The following CCAR2 variants were observed in gnomAD, a reference collection of about 807,000 sequenced individuals.
CCAR2 encodes cell cycle and apoptosis regulator 2.
A neutral mutation model predicts 108.1 loss-of-function variants in CCAR2; 21 were observed. The observed-to-expected ratio is 0.19, with a 90% CI of 0.14 to 0.28. CCAR2 has a LOEUF of 0.28. Ranked by LOEUF, CCAR2 falls within the 10% of genes least tolerant of loss-of-function variation. The probability of loss-of-function intolerance (pLI) is 1.00; values close to 1 mark genes in which losing one functional copy is unlikely to be tolerated. For missense variants in CCAR2, 1,126 were observed against 1,177.0 expected (o/e 0.96, Z 0.63); for synonymous variants, 577 against 472.8 (o/e 1.22, Z -2.86).
In CCAR2 at chr8:22,618,408, C is replaced by T. The variant is rs199524323; in HGVS notation, c.2133C>T (p.Phe711=). 8 of 1,614,246 alleles carry T rather than the reference C, an allele frequency of 5.0e-6. No homozygotes were observed. The highest frequency in any genetic ancestry group is 6.8e-6 in the Non-Finnish European group (8 of 1,180,054). ...TAGACTGTCTGCTTGCTTTTGTGTT[C>T]TTTGATGCCAACTGGTGTGGCTACT... ...LPLDCLLAFV[F]FDANWCGYLH... Residue 711 remains phenylalanine, a synonymous_variant, in exon 17 of 21, where the codon TTC becomes TTT. Transcript: ENST00000308511.
At position 22,606,975 on chromosome 8, in the gene CCAR2, G is replaced by C; in HGVS notation, c.308G>C (p.Gly103Ala). 6.2e-7 allele frequency: 1 copy of C among 1,614,138 alleles called. No homozygotes were observed. Among genetic ancestry groups the C allele is most frequent in the Non-Finnish European group, 8.5e-7 (1 of 1,180,020 alleles). The change falls in exon 5 of 21, where the codon GGC becomes GCC. Residue 103 changes from glycine (G) to alanine (A), a missense_variant. Gly to Ala is a moderately conservative substitution (Grantham distance 60). This residue lies in a region of CCAR2 where 44 missense variants were observed against 63.4 expected (regional missense o/e 0.69). Coordinates refer to ENST00000308511, the MANE Select transcript of CCAR2 (RefSeq NM_001393997.1). ...CTGGTGAAGGCTGCATACAACCCAG[G>C]CCAGGCAGTGCCCTGGAATGCTGTC... ...KVLVKAAYNP[G>A]QAVPWNAVKV...
chr8:22,607,989 T>A lies in CCAR2; in HGVS notation c.508T>A (p.Ser170Thr), dbSNP rs766896225. 6.2e-6 allele frequency: 10 copies of A among 1,613,274 alleles called. No homozygotes were observed. Among genetic ancestry groups the A allele is most frequent in the Non-Finnish European group, 8.5e-6 (10 of 1,179,646 alleles). ...PQKPLSLFQT[S>T]HTLHLSHLNR... ...TGCAGCTCTGAGTCTCTTCCAAACA[T>A]CCCACACACTTCACCTGAGCCACCT... Residue 170 changes from serine to threonine, a missense_variant, in exon 7 of 21, where the codon TCC (serine) becomes ACC (threonine). This residue lies in a region of CCAR2 where 1,013 missense variants were observed against 993.9 expected (regional missense o/e 1.02). Transcript: ENST00000308511.
In CCAR2 at chr8:22,615,760, G is replaced by C; in HGVS notation, c.1456G>C (p.Glu486Gln). ...DTSRRNAETP[E>Q]ATTQQETDTD... ...TTCTAGACGGAACGCAGAAACTCCA[G>C]AGGCCACCACACAGCAGGAAACGGA... Residue 486 changes from glutamate (E) to glutamine (Q), a missense_variant, in exon 13 of 21, where the codon GAG becomes CAG. By Grantham distance (29) the Glu-to-Gln change is conservative. This residue lies in a region of CCAR2 where 1,013 missense variants were observed against 993.9 expected (regional missense o/e 1.02). Transcript: ENST00000308511. 6.2e-7 allele frequency: 1 copy of C among 1,613,916 alleles called. No homozygotes were observed. Among genetic ancestry groups the C allele is most frequent in the South Asian group, 1.1e-5 (1 of 91,088 alleles).
rs1800993646 is a variant in CCAR2, at chr8:22,604,794, GT to G, written c.-86del. On this transcript the variant is annotated 5_prime_UTR_variant, in exon 1 of 21. Coordinates refer to ENST00000308511, the MANE Select transcript of CCAR2 (RefSeq NM_001393997.1). Reference sequence around the variant, plus strand: ...GGTGGCGGCGGCAGCAGCGGCTGTGGTGGTTCCGGGTGTCTTTGTCCCCCCG... The same window carrying G: ...GGTGGCGGCGGCAGCAGCGGCTGTGGGGTTCCGGGTGTCTTTGTCCCCCCG... The G allele has an allele frequency of 1.3e-5, 6 of 455,734 alleles. No homozygotes were observed. The allele number at this position is 455,734 out of a possible 1,614,324, so 28.2% of individuals were successfully genotyped here. A position where few individuals can be genotyped will look rare whatever the true frequency, so the allele number is the denominator to read the frequency against.
rs200094561 is a variant in CCAR2 at position 22,618,691 on chromosome 8, G to C, written c.2295G>C (p.Glu765Asp). Residue 765 changes from glutamate (E) to aspartate (D), a missense_variant, in exon 18 of 21, where the codon GAG becomes GAC. By Grantham distance (45) the Glu-to-Asp change is conservative. This residue lies in a region of CCAR2 where 1,013 missense variants were observed against 993.9 expected (regional missense o/e 1.02). Coordinates refer to ENST00000308511, the MANE Select transcript of CCAR2 (RefSeq NM_001393997.1). ...GGAGCCTTCAGTACAGCCGCCAGGAGGGCCTGGATGGTGGCCTTCCCGAGG... is the reference window on the plus strand; with the variant it reads ...GGAGCCTTCAGTACAGCCGCCAGGACGGCCTGGATGGTGGCCTTCCCGAGG... ...QYRSLQYSRQ[E>D]GLDGGLPEEV... The C allele has an allele frequency of 5.6e-6, 9 of 1,614,096 alleles. No individual in the cohort carries two copies. The highest frequency in any genetic ancestry group is 1.3e-5 in the African/African-American group (1 of 75,072).
Position 22,619,945 on chromosome 8 carries a change from T to C in CCAR2, c.*263T>C. The C allele has an allele frequency of 1.9e-6, 1 of 525,090 alleles. No individual in the cohort carries two copies. The highest frequency in any genetic ancestry group is 3.4e-6 in the Non-Finnish European group (1 of 290,500). 32.5% of individuals were successfully genotyped at this position (525,090 alleles called of 1,614,324 possible). A position where few individuals can be genotyped will look rare whatever the true frequency, so the allele number is the denominator to read the frequency against. ...CTAGAATGTCATTTTGCCCTCAACC[T>C]TGGTATTTCTCCTGGGGCCCTTTTA... is the stretch of plus-strand genomic sequence containing the variant. On this transcript the variant is annotated 3_prime_UTR_variant, in exon 21 of 21. Transcript: ENST00000308511.
At chr8:22,609,255 C>T (rs916169782) in intron 7 of CCAR2, among the ~76,000 whole-genome samples, 2 of 152,108 alleles carry the variant, frequency 1.3e-5, no homozygotes, top group African/African-American at 4.8e-5. Flanking sequence ...GGTGCGATGG[C>T]TTATGCCTAT....
At chr8:22,617,966 G>T (rs924849409) in intron 16 of CCAR2, among the ~76,000 whole-genome samples, 188 bp downstream of exon 16, 1 of 152,188 alleles carries the variant, frequency 6.6e-6, no homozygotes, top group East Asian at 1.9e-4. Flanking sequence ...TGTCTGTTGG[G>T]GTGAATGGGA....
At chr8:22,611,450 ATGTG>A (rs1002831791) in intron 7 of CCAR2, among the ~76,000 whole-genome samples, 4 of 123,038 alleles carry the variant, frequency 3.3e-5, no homozygotes, top group East Asian at 2.0e-4. Context: ...GTGTATACAT[ATGTG>A]TGTGTGTATA....
In CCAR2 at chr8:22,618,517, A is replaced by G. The variant is rs767476238; in HGVS notation, c.2220+22A>G. 20 of 1,614,056 alleles carry G rather than the reference A, an allele frequency of 1.2e-5. 1 individual carries two copies. The highest frequency in any genetic ancestry group is 3.3e-5 in the South Asian group (3 of 91,088). ...GCAGGTACCTTCTTTCCTCTGCCCC[A>G]GCACATGGGCACAGGCCTGCACTTA... On this transcript the variant is annotated intron_variant, in intron 17 of 20. Transcript: ENST00000308511.
chr8:22,605,033 GC>G, intron 1 of CCAR2, 191 bp downstream of exon 1: 1 of 300,278 alleles, frequency 3.3e-6, no homozygotes, highest in East Asian at 1.3e-4. Context: ...AGGAGAAACC[GC>G]GCGCCTCAGT....
At chr8:22,609,758 T>C (rs947289542) in intron 7 of CCAR2, among the ~76,000 whole-genome samples, 2 of 152,210 alleles carry the variant, frequency 1.3e-5, no homozygotes, top group Non-Finnish European at 2.9e-5. Context: ...CCGTGGACTT[T>C]CTGCTTTACG....
At chr8:22,614,615 C>A in intron 10 of CCAR2, 112 bp downstream of exon 10, 2 of 1,094,562 alleles carry the variant, frequency 1.8e-6, no homozygotes, top group Non-Finnish European at 2.7e-6. Flanking sequence ...ATCTCAGAGC[C>A]GAACACCCCT....
rs115807491 is a variant in CCAR2 at position 22,608,967 on chromosome 8, G to A, written c.584+902G>A. ...TTTTGTTAAGGTAAAAAATTTTAAC[G>A]TGGAACTTATGTAGATTGAAATGCA... is the stretch of plus-strand genomic sequence containing the variant. On this transcript the variant is annotated intron_variant, in intron 7 of 20. Coordinates refer to ENST00000308511, the MANE Select transcript of CCAR2 (RefSeq NM_001393997.1). Among the ~76,000 whole-genome samples, 1,068 of 152,038 alleles carry A rather than the reference G, an allele frequency of 7.0e-3. 14 individuals carry two copies. The highest frequency in any genetic ancestry group is 0.025 in the African/African-American group (1,017 of 41,420).
rs758003360 is a variant in CCAR2 at position 22,618,848 on chromosome 8, C to T, written c.2354C>T (p.Pro785Leu). 3 of 1,613,930 alleles carry T rather than the reference C, an allele frequency of 1.9e-6. No homozygotes were observed. Among genetic ancestry groups the T allele is most frequent in the Non-Finnish European group, 2.5e-6 (3 of 1,179,992 alleles). The change falls in exon 19 of 21, where the codon CCT (proline) becomes CTT (leucine). Residue 785 changes from proline (P) to leucine (L), a missense_variant. By Grantham distance (98) the Pro-to-Leu change is moderately conservative. Around this residue, in one of 4 missense-constraint regions of CCAR2, gnomAD observed 1,013 missense variants for 993.9 expected, o/e 1.02. Transcript: ENST00000308511. ...CTAGGAAACCTGGACCTGCTGCCCC[C>T]TCCTGGGAAAAGCACGAAGCCAGGT... ...VLFGNLDLLP[P>L]PGKSTKPGAA...
At position 22,612,887 on chromosome 8, in the gene CCAR2, G is replaced by C. The variant is rs1801345436; in HGVS notation, c.585-130G>C. The stretch of plus-strand genomic sequence containing the variant: ...CTTTATAACATTCTGTCATATGGCT[G>C]TTAGCATGGATTCTTTTTCCATTTA... On this transcript the variant is annotated intron_variant, in intron 7 of 20. Coordinates refer to ENST00000308511, the MANE Select transcript of CCAR2 (RefSeq NM_001393997.1). 4.0e-6 allele frequency: 4 copies of C among 990,642 alleles called. No homozygotes were observed. In the Admixed American group the frequency reaches 1.1e-4, roughly 26 times the overall value. 61.4% of individuals were successfully genotyped at this position (990,642 alleles called of 1,614,324 possible).
At chr8:22,616,387 A>C in intron 14 of CCAR2, 139 bp downstream of exon 14, 1 of 755,174 alleles carries the variant, frequency 1.3e-6, no homozygotes, top group Non-Finnish European at 2.2e-6. Context: ...CCGCACAGCT[A>C]GTAAGTAGCA....
At position 22,619,750 on chromosome 8, in the gene CCAR2, G is replaced by C; in HGVS notation, c.*68G>C. The C allele has an allele frequency of 2.0e-6, 3 of 1,512,138 alleles. No homozygotes were observed. Among genetic ancestry groups the C allele is most frequent in the Non-Finnish European group, 2.7e-6 (3 of 1,115,514 alleles). The allele number at this position is 1,512,138 out of a possible 1,614,324, so 93.7% of individuals were successfully genotyped here. ...GCCCGGCAAAGTTGGAGCCCTTGCG[G>C]TACCAGAAAGCAGCGAGAGCGAGAC... On this transcript the variant is annotated 3_prime_UTR_variant, in exon 21 of 21. Coordinates refer to ENST00000308511, the MANE Select transcript of CCAR2 (RefSeq NM_001393997.1).
chr8:22,604,764 C>A lies in CCAR2; in HGVS notation c.-117C>A, dbSNP rs201375888. ...CAGTGGTCGCGCTTCCGGAGAGGCG[C>A]TTCCGGTGGCGGCGGCAGCAGCGGC... On this transcript the variant is annotated 5_prime_UTR_variant, in exon 1 of 21. Transcript: ENST00000308511. 1 of 456,116 alleles carries A rather than the reference C, an allele frequency of 2.2e-6. No homozygotes were observed. Among genetic ancestry groups the A allele is most frequent in the African/African-American group, 2.0e-5 (1 of 50,074 alleles). 28.3% of individuals were successfully genotyped at this position (456,116 alleles called of 1,614,324 possible). A position where few individuals can be genotyped will look rare whatever the true frequency, so the allele number is the denominator to read the frequency against.
Sources: allele counts gnomAD v4.1 joint callset (sites outside exome capture counted in the v4.1 genomes callset), GRCh38; gene constraint gnomAD v4.1.1; regional missense constraint gnomAD v4.1.1; transcripts MANE v1.5; gene names NCBI Gene and HGNC (gene_info 2026-07-23, HGNC 2026-07-21).